The following CFAP119 variants were observed in gnomAD, a reference collection of about 807,000 sequenced individuals.
The protein encoded by CFAP119 is cilia- and flagella-associated protein 119.
chr16:30,761,933 G>A, the CFAP119 span: 3 of 617,982 alleles, frequency 4.9e-6, no homozygotes, highest in East Asian at 2.9e-5. Flanking sequence ...GGCGACGGTT[G>A]CCAAGGGGGC....
chr16:30,761,613 C>T, the CFAP119 span: 2 of 1,536,054 alleles, frequency 1.3e-6, no homozygotes, highest in African/African-American at 2.7e-5. Context: ...TGAGTCCGCA[C>T]ACTCGCACGC....
the CFAP119 span, chr16:30,758,954 CCCTT>C: frequency 4.0e-4 from 644 of 1,604,472 alleles, 11 homozygotes; most frequent in East Asian, 0.014. Context: ...GTCATCCAAA[CCCTT>C]CATTCTACAC....
chr16:30,761,805 A>G, the CFAP119 span: 1 of 1,444,100 alleles, frequency 6.9e-7, no homozygotes, highest in East Asian at 2.5e-5. Flanking sequence ...AGGTTCCAGG[A>G]CAGCCAGCGC....
the CFAP119 span, chr16:30,757,662 G>C: frequency 6.2e-7 from 1 of 1,607,160 alleles, no homozygotes; most frequent in Non-Finnish European, 8.5e-7. Context: ...GGCCTGCAGG[G>C]GCAGGGAAGA....
the CFAP119 span, chr16:30,761,840 G>A: frequency 4.0e-6 from 5 of 1,235,840 alleles, no homozygotes; most frequent in Non-Finnish European, 5.5e-6. Context: ...CCAAGGCCGG[G>A]CCCGTTCGCC....
the CFAP119 span, chr16:30,760,761 G>A: frequency 8.5e-7 from 1 of 1,176,734 alleles, no homozygotes; most frequent in Non-Finnish European, 1.2e-6. Flanking sequence ...TTGGCCACCG[G>A]CGTGAAGCTG....
At chr16:30,758,939 C>T in the CFAP119 span, 5 of 1,586,678 alleles carry the variant, frequency 3.2e-6, no homozygotes, top group Non-Finnish European at 4.3e-6. Context: ...GTCTGAAGTC[C>T]TGATGTCATC....
chr16:30,759,078 C>T, the CFAP119 span: 3 of 1,614,210 alleles, frequency 1.9e-6, no homozygotes, highest in South Asian at 3.3e-5. Flanking sequence ...GCCTGCTCCT[C>T]CATCTCCTTG....
the CFAP119 span, chr16:30,760,102 G>A: frequency 3.2e-6 from 5 of 1,539,690 alleles, no homozygotes; most frequent in South Asian, 4.7e-5. Context: ...AATGTGTGCT[G>A]TATCCTTAAT....
At chr16:30,760,682 A>C in the CFAP119 span, 1 of 1,522,380 alleles carries the variant, frequency 6.6e-7, no homozygotes, top group Non-Finnish European at 8.8e-7. Context: ...TTATAGTAAA[A>C]GAAAAAGAGT....
chr16:30,761,484 G>A, the CFAP119 span: 3 of 1,529,764 alleles, frequency 2.0e-6, no homozygotes, highest in Middle Eastern at 3.3e-4. Flanking sequence ...ATGACAGGTG[G>A]CGCCTGCGGG....
chr16:30,761,642 T>G, the CFAP119 span: 20 of 1,535,984 alleles, frequency 1.3e-5, no homozygotes, highest in Non-Finnish European at 1.7e-5. Context: ...GGCCGACCCA[T>G]GCACTGAGCT....
the CFAP119 span, chr16:30,761,495 G>A: frequency 2.5e-5 from 39 of 1,532,768 alleles, no homozygotes; most frequent in African/African-American, 5.2e-4. Flanking sequence ...CGCCTGCGGG[G>A]GAGCCGGTTT....
chr16:30,760,593 CCT>C, the CFAP119 span: 2,198 of 1,560,210 alleles, frequency 1.4e-3, 2 homozygotes, highest in Non-Finnish European at 1.8e-3. Context: ...CCCACGCCCC[CCT>C]CAGTCCCTAC....
chr16:30,759,576 G>A, the CFAP119 span: 2 of 1,614,126 alleles, frequency 1.2e-6, no homozygotes, highest in South Asian at 1.1e-5. Context: ...GAAGATAAGG[G>A]TGATGAATGT....
chr16:30,758,956 C>A, the CFAP119 span: 5 of 1,604,658 alleles, frequency 3.1e-6, no homozygotes, highest in Non-Finnish European at 4.3e-6. Flanking sequence ...CATCCAAACC[C>A]TTCATTCTAC....
chr16:30,760,047 C>T, the CFAP119 span: 2 of 1,520,012 alleles, frequency 1.3e-6, no homozygotes, highest in Non-Finnish European at 1.8e-6. Context: ...TTATTGTGCA[C>T]TATGCATATA....
chr16:30,757,958 A>G, the CFAP119 span: 4 of 478,208 alleles, frequency 8.4e-6, no homozygotes, highest in Admixed American at 9.1e-5. Context: ...GATACCTAGC[A>G]CATAGGATTG....
chr16:30,760,179 CAT>C, the CFAP119 span: 1 of 1,602,722 alleles, frequency 6.2e-7, no homozygotes, highest in African/African-American at 1.3e-5. Flanking sequence ...CTAATAATGA[CAT>C]ATTCCAGGCA....
Sources: gnomAD v4.1 joint callset for allele counts on GRCh38, gnomAD v4.1.1 for gene constraint, MANE v1.5 for transcripts, NCBI Gene and HGNC (gene_info 2026-07-23, HGNC 2026-07-21) for gene names.